ROBO1: variants seen among roughly 807,000 people sequenced by gnomAD.
ROBO1 encodes the protein roundabout homolog 1.
In ROBO1, 149 loss-of-function variants were observed where a neutral mutation model predicts 195.9. The observed-to-expected ratio is 0.76, with a 90% CI of 0.67 to 0.87. The LOEUF is 0.87. Among genes scored for constraint, ROBO1 ranks in the 40% least tolerant of loss-of-function variants. The pLI, the probability that ROBO1 is intolerant of heterozygous loss-of-function variation, is 0.00. For synonymous variants in ROBO1, 816 were observed against 733.2 expected, an observed-to-expected ratio of 1.11 and a Z score of -1.82; for missense variants, 1,933 against 2,068.3, an observed-to-expected ratio of 0.93 and a Z score of 1.27.
chr3:79,330,418 T>A (rs2034393383), intron 2 of ROBO1, among the ~76,000 whole-genome samples: 1 of 151,020 alleles, frequency 6.6e-6, no homozygotes, highest in Admixed American at 6.6e-5. Context: ...TTTTCTACAG[T>A]CCATAAACTC....
chr3:78,705,188 C>T (rs770622109), intron 8 of ROBO1, among the ~76,000 whole-genome samples: 2 of 152,092 alleles, frequency 1.3e-5, no homozygotes. Flanking sequence ...AATAACCAAA[C>T]TTCACATTAA....
chr3:78,837,807 C>A, intron 4 of ROBO1, among the ~76,000 whole-genome samples: 1 of 151,794 alleles, frequency 6.6e-6, no homozygotes, highest in East Asian at 1.9e-4. Context: ...ATACGCAGGG[C>A]CAATATAAAG....
At chr3:78,897,540 C>T (rs146692042) in intron 4 of ROBO1, among the ~76,000 whole-genome samples, 122 of 152,186 alleles carry the variant, frequency 8.0e-4, no homozygotes, top group African/African-American at 2.7e-3. Context: ...TAATGAGATA[C>T]CTTTTGAAAG....
At chr3:79,607,691 A>G (rs1944533295) in intron 1 of ROBO1, among the ~76,000 whole-genome samples, 1 of 151,900 alleles carries the variant, frequency 6.6e-6, no homozygotes, top group African/African-American at 2.4e-5. Flanking sequence ...TTTCTGATGA[A>G]AGTGAATTTA....
At chr3:79,711,393 A>G (rs1702270075) in intron 1 of ROBO1, among the ~76,000 whole-genome samples, 1 of 152,200 alleles carries the variant, frequency 6.6e-6, no homozygotes, top group Non-Finnish European at 1.5e-5. Flanking sequence ...TTATTATTAC[A>G]CACAGAGATT....
At chr3:79,135,539 G>T (rs1576719516) in intron 2 of ROBO1, among the ~76,000 whole-genome samples, 2 of 152,150 alleles carry the variant, frequency 1.3e-5, no homozygotes, top group East Asian at 3.9e-4. Context: ...TAAGGCATGA[G>T]ATATCATATC....
At chr3:78,891,022 A>G (rs1286531600) in intron 4 of ROBO1, among the ~76,000 whole-genome samples, 1 of 152,168 alleles carries the variant, frequency 6.6e-6, no homozygotes, top group Non-Finnish European at 1.5e-5. Context: ...TTTTATATTA[A>G]AACAGTAATT....
intron 1 of ROBO1, among the ~76,000 whole-genome samples, chr3:79,733,354 A>G (rs1703237996): frequency 6.6e-6 from 1 of 152,212 alleles, no homozygotes; most frequent in African/African-American, 2.4e-5. Flanking sequence ...GGATGACAAA[A>G]TTAGATATTG....
intron 1 of ROBO1, among the ~76,000 whole-genome samples, chr3:79,628,021 T>G (rs895651137): frequency 3.5e-4 from 54 of 152,138 alleles, no homozygotes; most frequent in Non-Finnish European, 7.4e-5. Flanking sequence ...TAGGAATGCT[T>G]TTACACTGTT....
chr3:79,255,193 C>T (rs571295704), intron 2 of ROBO1, among the ~76,000 whole-genome samples: 8 of 151,874 alleles, frequency 5.3e-5, no homozygotes, highest in South Asian at 2.1e-4. Context: ...CTCTATAAAA[C>T]AAATAAAAAT....
chr3:79,148,757 T>C (rs540941503), intron 2 of ROBO1, among the ~76,000 whole-genome samples: 2 of 152,036 alleles, frequency 1.3e-5, no homozygotes, highest in South Asian at 4.1e-4. Flanking sequence ...TTAACATTCA[T>C]ACTCATTCCT....
intron 3 of ROBO1, among the ~76,000 whole-genome samples, chr3:79,099,619 A>T (rs1485689459): frequency 7.5e-6 from 1 of 133,420 alleles, no homozygotes; most frequent in Non-Finnish European, 1.7e-5. Flanking sequence ...AGATCACCAT[A>T]TTATAGTTAT....
chr3:78,998,791 C>T (rs779042505), intron 3 of ROBO1, among the ~76,000 whole-genome samples: 9 of 152,040 alleles, frequency 5.9e-5, no homozygotes, highest in African/African-American at 2.2e-4. Context: ...ATAGCCTAAT[C>T]CAACTTCCAT....
intron 2 of ROBO1, among the ~76,000 whole-genome samples, chr3:79,185,422 T>C (rs1343710419): frequency 6.6e-6 from 1 of 152,168 alleles, no homozygotes; most frequent in Non-Finnish European, 1.5e-5. Flanking sequence ...TGTTTCCCTA[T>C]AGTGTAAATA....
intron 22 of ROBO1, among the ~76,000 whole-genome samples, chr3:78,637,738 C>T (rs1705608563): frequency 6.6e-6 from 1 of 152,074 alleles, no homozygotes; most frequent in African/African-American, 2.4e-5. Flanking sequence ...ATATGGGCCT[C>T]TAGAGGACAG....
intron 18 of ROBO1, among the ~76,000 whole-genome samples, chr3:78,655,818 A>T (rs1706970685): frequency 6.6e-6 from 1 of 152,180 alleles, no homozygotes; most frequent in Non-Finnish European, 1.5e-5. Context: ...ATGATTTAAC[A>T]ACTGATTGTA....
At chr3:79,341,920 G>A (rs2034923298) in intron 2 of ROBO1, among the ~76,000 whole-genome samples, 1 of 152,106 alleles carries the variant, frequency 6.6e-6, no homozygotes, top group African/African-American at 2.4e-5. Flanking sequence ...ACACTACAAT[G>A]AGTAAGTGGA....
intron 22 of ROBO1, among the ~76,000 whole-genome samples, chr3:78,639,153 A>T (rs1026452988): frequency 1.7e-4 from 26 of 152,104 alleles, no homozygotes; most frequent in African/African-American, 6.0e-4. Context: ...TCAAAAAAAT[A>T]AAAAAAGTTA....
chr3:79,031,633 T>C (rs1358270411), intron 3 of ROBO1, among the ~76,000 whole-genome samples: 8 of 152,216 alleles, frequency 5.3e-5, no homozygotes. Context: ...AGCATAATAG[T>C]TCTCCCCTTC....
Sources: allele counts gnomAD v4.1 joint callset (sites outside exome capture counted in the v4.1 genomes callset), GRCh38; gene constraint gnomAD v4.1.1; transcripts MANE v1.5; gene names NCBI Gene and HGNC (gene_info 2026-07-23, HGNC 2026-07-21).